Variants in JADE3 observed in about 807,000 individuals in gnomAD.
JADE3 encodes the protein jade family PHD finger 3.
Under a neutral mutation model 50.1 loss-of-function variants are expected in JADE3, and 2 were observed. The observed-to-expected ratio is 0.04, with a 90% CI of 0.02 to 0.13. The LOEUF is 0.13. JADE3 is among the 10% of genes least tolerant of loss of function. JADE3 has a pLI of 1.00. For missense variants in JADE3, 475 were observed against 634.4 expected (o/e 0.75, Z 2.70); for synonymous variants, 218 against 232.9 (o/e 0.94, Z 0.58).
intron 1 of JADE3, among the ~76,000 whole-genome samples, chrX:46,935,899 C>G: frequency 1.1e-5 from 1 of 94,137 alleles, no homozygotes; most frequent in Admixed American, 1.3e-4. Context: ...GGCGTGAACA[C>G]GGCTCACTGC....
intron 1 of JADE3, among the ~76,000 whole-genome samples, chrX:46,923,389 CTCTCTTTTTTTTT>C (rs1414677230): frequency 1.5e-3 from 37 of 24,169 alleles, no homozygotes; most frequent in African/African-American, 2.7e-3. Flanking sequence ...CTCTCTCTCT[CTCTCTTTTTTTTT>C]TTTTTTTTTT....
At chrX:46,952,864 G>A (rs1439876117) in intron 1 of JADE3, among the ~76,000 whole-genome samples, 1 of 111,025 alleles carries the variant, frequency 9.0e-6, no homozygotes, top group African/African-American at 3.3e-5. Context: ...CGGGCATGGT[G>A]GTGTGTGCCT....
intron 3 of JADE3, among the ~76,000 whole-genome samples, chrX:46,997,359 AT>A (rs1351772882): frequency 1.8e-5 from 2 of 110,758 alleles, no homozygotes. Context: ...AAAAAAAAAA[AT>A]TACAAAAATT....
chrX:46,979,013 C>A (rs1438681916), intron 1 of JADE3, among the ~76,000 whole-genome samples: 1 of 112,262 alleles, frequency 8.9e-6, no homozygotes, highest in Non-Finnish European at 1.9e-5. Context: ...AATGGACAGA[C>A]AAATCACTGG....
At chrX:46,985,908 T>C in intron 3 of JADE3, 116 bp downstream of exon 3, 1 of 516,247 alleles carries the variant, frequency 1.9e-6, no homozygotes, top group Non-Finnish European at 3.4e-6. Flanking sequence ...GGGAGATGTT[T>C]GGATCATGGG....
Position 47,059,298 on chromosome X carries a change from G to A in JADE3, c.*221G>A, listed in dbSNP as rs1929710289. On this transcript the variant is annotated 3_prime_UTR_variant, in exon 11 of 11. Transcript: ENST00000614628. ...TTGTCCAGAGGTTGGTTTGTCAGAGGCTATTGGGAACAGCTGGGCCCAGGG... is the reference window on the plus strand; with the variant it reads ...TTGTCCAGAGGTTGGTTTGTCAGAGACTATTGGGAACAGCTGGGCCCAGGG... 5.4e-6 allele frequency: 2 copies of A among 371,431 alleles called. No homozygotes were observed. The highest frequency in any genetic ancestry group is 8.6e-5 in the East Asian group (2 of 23,234). 30.6% of individuals were successfully genotyped at this position (371,431 alleles called of 1,213,427 possible).
chrX:46,988,170 C>T lies in JADE3; in HGVS notation c.126+2378C>T, dbSNP rs782020599. ...AAATAATGATTCCAGACTTACCCCACCCTGTGACACTACTGAATTAGTATT... is the reference window on the plus strand; with the variant it reads ...AAATAATGATTCCAGACTTACCCCATCCTGTGACACTACTGAATTAGTATT... On this transcript the variant is annotated intron_variant, in intron 3 of 10. Coordinates refer to ENST00000614628, the MANE Select transcript of JADE3 (RefSeq NM_014735.5). Among the ~76,000 whole-genome samples, 7 of 111,824 alleles carry T rather than the reference C, an allele frequency of 6.3e-5. No homozygotes were observed. The South Asian group carries it at 2.6e-3, about 42-fold the overall frequency.
intron 1 of JADE3, among the ~76,000 whole-genome samples, chrX:46,922,720 TTATC>T (rs1189184128): frequency 9.0e-6 from 1 of 111,198 alleles, no homozygotes; most frequent in African/African-American, 3.3e-5. Context: ...TTTGCTGAAA[TTATC>T]TGTCTGGTCT....
intron 8 of JADE3, among the ~76,000 whole-genome samples, chrX:47,044,661 A>G (rs1929335543): frequency 8.9e-6 from 1 of 111,768 alleles, no homozygotes; most frequent in Non-Finnish European, 1.9e-5. Context: ...TGGTATGAAA[A>G]CTCCTATCTT....
chrX:47,047,028 A>T (rs1556370841), intron 8 of JADE3, among the ~76,000 whole-genome samples: 1 of 111,737 alleles, frequency 8.9e-6, no homozygotes, highest in Non-Finnish European at 1.9e-5. Flanking sequence ...AAGGCATATC[A>T]TTCCTCTTTG....
intron 1 of JADE3, among the ~76,000 whole-genome samples, chrX:46,978,927 T>C: frequency 8.9e-6 from 1 of 112,652 alleles, no homozygotes; most frequent in Middle Eastern, 4.6e-3. Flanking sequence ...AGATTTACCA[T>C]CATTGAATTA....
intron 1 of JADE3, among the ~76,000 whole-genome samples, chrX:46,981,891 C>T (rs1927762170): frequency 9.0e-6 from 1 of 110,666 alleles, no homozygotes; most frequent in Admixed American, 9.6e-5. Context: ...TGTTTTTTTT[C>T]CCGGGCTGCT....
chrX:46,999,444 T>C (rs977180719), intron 4 of JADE3, among the ~76,000 whole-genome samples: 8 of 105,016 alleles, frequency 7.6e-5, no homozygotes, highest in East Asian at 5.7e-4. Flanking sequence ...CATATATATA[T>C]ATATATAACA....
chrX:47,006,468 T>TG (rs1429328204), intron 4 of JADE3, among the ~76,000 whole-genome samples: 3 of 105,329 alleles, frequency 2.8e-5, no homozygotes, highest in African/African-American at 1.0e-4. Flanking sequence ...AGTTTTTTTT[T>TG]TTTTTTTTTT....
At chrX:46,943,862 AT>A (rs1292335108) in intron 1 of JADE3, among the ~76,000 whole-genome samples, 1 of 110,839 alleles carries the variant, frequency 9.0e-6, no homozygotes, top group African/African-American at 3.3e-5. Flanking sequence ...TGGTTGGTAG[AT>A]TTTTTTTATT....
intron 8 of JADE3, among the ~76,000 whole-genome samples, chrX:47,047,149 A>G (rs1396570093): frequency 8.9e-6 from 1 of 112,165 alleles, no homozygotes; most frequent in East Asian, 2.8e-4. Context: ...CTGGGCACGG[A>G]AACTCTTCTT....
intron 7 of JADE3, among the ~76,000 whole-genome samples, chrX:47,034,409 A>G (rs949289665): frequency 2.9e-4 from 32 of 109,665 alleles, no homozygotes; most frequent in African/African-American, 1.0e-3. Flanking sequence ...TCTGGCTAAC[A>G]CTCCATGTTG....
chrX:47,028,628 T>A (rs1172933908), intron 6 of JADE3, among the ~76,000 whole-genome samples: 1 of 111,486 alleles, frequency 9.0e-6, no homozygotes, highest in Admixed American at 9.6e-5. Context: ...ACTGTCTAAC[T>A]CCTCAATTTT....
chrX:46,980,899 A>T (rs782504395), intron 1 of JADE3, among the ~76,000 whole-genome samples: 1 of 111,361 alleles, frequency 9.0e-6, no homozygotes, highest in Admixed American at 9.6e-5. Flanking sequence ...GGTGGGTCCA[A>T]TGTAATTACA....
Sources: gnomAD v4.1 joint callset for allele counts (sites outside exome capture counted in the v4.1 genomes callset) on GRCh38, gnomAD v4.1.1 for gene constraint, MANE v1.5 for transcripts, NCBI Gene and HGNC (gene_info 2026-07-23, HGNC 2026-07-21) for gene names.